Variants in GRM7 observed in about 807,000 individuals in gnomAD.
GRM7 encodes the protein glutamate metabotropic receptor 7.
Under a neutral mutation model 84.5 loss-of-function variants are expected in GRM7, and 35 were observed. That is an observed-to-expected ratio of 0.41 (90% CI 0.32 to 0.55). The LOEUF (loss-of-function observed/expected upper bound fraction) is 0.55, where lower values mean the gene tolerates loss of function less well. GRM7 is among the 20% of genes least tolerant of loss of function. The pLI is 0.19. For synonymous variants in GRM7, 487 were observed against 455.1 expected (o/e 1.07, Z -0.89); for missense variants, 1,003 against 1,194.6 (o/e 0.84, Z 2.36).
intron 8 of GRM7, among the ~76,000 whole-genome samples, chr3:7,669,427 G>A (rs1194039677): frequency 1.3e-5 from 2 of 152,200 alleles, no homozygotes; most frequent in African/African-American, 4.8e-5. Context: ...TAGAGATTTA[G>A]AGAAGGTAAG....
At position 7,515,175 on chromosome 3, in the gene GRM7, C is replaced by G. The variant is rs568119267; in HGVS notation, c.1515+53453C>G. ...CCCAAGAGATGCCAGTTTCCTGTTC[C>G]TTTAAAACACAAGTGCAGTGTTGAA... On this transcript the variant is annotated intron_variant, in intron 7 of 9. Transcript: ENST00000357716. Among the ~76,000 whole-genome samples, 37 of 146,622 alleles carry G rather than the reference C, an allele frequency of 2.5e-4. 1 individual carries two copies. The South Asian group carries it at 8.0e-3, about 32-fold the overall frequency.
intron 1 of GRM7, among the ~76,000 whole-genome samples, chr3:7,096,997 G>A (rs1698880773): frequency 6.6e-6 from 1 of 152,134 alleles, no homozygotes. Context: ...CAACTGAATT[G>A]TAGCTGATTA....
At chr3:7,532,050 T>C (rs952487720) in intron 7 of GRM7, among the ~76,000 whole-genome samples, 5 of 152,226 alleles carry the variant, frequency 3.3e-5, no homozygotes, top group Admixed American at 3.3e-4. Flanking sequence ...TTCGCATAGA[T>C]GTTCATCAGG....
intron 7 of GRM7, among the ~76,000 whole-genome samples, chr3:7,489,451 A>G (rs1025978318): frequency 3.9e-5 from 6 of 152,162 alleles, no homozygotes; most frequent in African/African-American, 1.4e-4. Context: ...TGACCAGCTA[A>G]TAGGAGGCAG....
chr3:6,938,536 G>A (rs1575038761), intron 1 of GRM7, among the ~76,000 whole-genome samples: 1 of 152,110 alleles, frequency 6.6e-6, no homozygotes, highest in Non-Finnish European at 1.5e-5. Context: ...GATCACTGCG[G>A]TAGGCTTAGA....
At position 7,572,277 on chromosome 3, in the gene GRM7, A is replaced by C. The variant is rs554848254; in HGVS notation, c.1516-6145A>C. On this transcript the variant is annotated intron_variant, in intron 7 of 9. Coordinates refer to ENST00000357716, the MANE Select transcript of GRM7 (RefSeq NM_000844.4). ...ACCTGAGAAACTTTGAAACACACTA[A>C]TGCCTATTTCTTGCCCCTCAGAGAT... Among the ~76,000 whole-genome samples, 148 of 152,320 alleles carry C rather than the reference A, an allele frequency of 9.7e-4. 1 individual carries two copies. In the South Asian group the frequency reaches 0.029, roughly 30 times the overall value.
At chr3:7,329,917 G>A (rs2125064522) in intron 4 of GRM7, among the ~76,000 whole-genome samples, 1 of 152,180 alleles carries the variant, frequency 6.6e-6, no homozygotes, top group East Asian at 1.9e-4. Flanking sequence ...CAGTTGTGTA[G>A]ATGGCATATG....
At chr3:7,142,396 T>TA (rs372069089) in intron 1 of GRM7, among the ~76,000 whole-genome samples, 2 of 152,036 alleles carry the variant, frequency 1.3e-5, no homozygotes, top group African/African-American at 2.4e-5. Context: ...TCAGGAAACT[T>TA]ACAATCATGG....
intron 5 of GRM7, among the ~76,000 whole-genome samples, chr3:7,427,206 A>G (rs1241371820): frequency 2.0e-5 from 3 of 152,258 alleles, no homozygotes; most frequent in Non-Finnish European, 4.4e-5. Flanking sequence ...CCAAAATTCA[A>G]TAAACTGTAA....
chr3:7,724,708 C>T (rs992166215), intron 9 of GRM7, among the ~76,000 whole-genome samples: 4 of 152,184 alleles, frequency 2.6e-5, no homozygotes, highest in Admixed American at 6.5e-5. Flanking sequence ...GTCATTATTT[C>T]CTACTAATCC....
chr3:6,925,109 A>G (rs1042184935), intron 1 of GRM7, among the ~76,000 whole-genome samples: 5 of 152,326 alleles, frequency 3.3e-5, no homozygotes, highest in Middle Eastern at 3.4e-3. Flanking sequence ...AAAGTAATCC[A>G]TCTAGAGAAG....
chr3:7,693,607 A>AGACTT, intron 9 of GRM7: 4 of 1,441,850 alleles, frequency 2.8e-6, no homozygotes, highest in Non-Finnish European at 3.8e-6. Flanking sequence ...GTCCAGACTG[A>AGACTT]GACTTGAGCT....
At chr3:7,676,232 C>A (rs891922967) in intron 8 of GRM7, among the ~76,000 whole-genome samples, 5 of 152,006 alleles carry the variant, frequency 3.3e-5, no homozygotes, top group African/African-American at 9.7e-5. Context: ...GGTGAAAACT[C>A]ATAACTTCAG....
chr3:7,203,776 A>G (rs1271712950), intron 2 of GRM7, among the ~76,000 whole-genome samples: 1 of 152,222 alleles, frequency 6.6e-6, no homozygotes, highest in East Asian at 1.9e-4. Context: ...TATATTGAAC[A>G]TCTTATGCTA....
chr3:7,434,564 T>G (rs1389223180), intron 5 of GRM7, among the ~76,000 whole-genome samples: 1 of 152,216 alleles, frequency 6.6e-6, no homozygotes. Context: ...GATAATACTA[T>G]TTTTATTTTT....
intron 4 of GRM7, among the ~76,000 whole-genome samples, chr3:7,354,422 T>G (rs1029032676): frequency 1.3e-5 from 2 of 151,986 alleles, no homozygotes; most frequent in African/African-American, 4.8e-5. Flanking sequence ...GATGCATGAG[T>G]GGAATAGATG....
At chr3:7,591,691 C>G (rs917165456) in intron 8 of GRM7, among the ~76,000 whole-genome samples, 5 of 152,098 alleles carry the variant, frequency 3.3e-5, no homozygotes, top group Non-Finnish European at 7.4e-5. Flanking sequence ...AAATCAGAGT[C>G]CAGAACACCA....
Position 7,461,568 on chromosome 3 carries a change from T to C in GRM7, c.1376-15T>C. The C allele has an allele frequency of 1.2e-6, 2 of 1,605,796 alleles. No individual in the cohort carries two copies. The highest frequency in any genetic ancestry group is 1.1e-5 in the South Asian group (1 of 90,850). On this transcript the variant is annotated splice_polypyrimidine_tract_variant and intron_variant, in intron 6 of 9. Transcript: ENST00000357716. ...GTTTAACTTTAGAATCTTTCATTTT[T>C]TCTGTCTTCCTTAGGTAGTGCTGGC... is the stretch of plus-strand genomic sequence containing the variant.
intron 1 of GRM7, among the ~76,000 whole-genome samples, chr3:6,949,803 A>G (rs1692649227): frequency 6.6e-6 from 1 of 152,034 alleles, no homozygotes; most frequent in African/African-American, 2.4e-5. Context: ...CATTGTATTC[A>G]TTTGATCTTC....
Sources: allele counts gnomAD v4.1 joint callset (sites outside exome capture counted in the v4.1 genomes callset), GRCh38; gene constraint gnomAD v4.1.1; transcripts MANE v1.5; gene names NCBI Gene and HGNC (gene_info 2026-07-23, HGNC 2026-07-21).